PTPRD: variants seen among roughly 807,000 people sequenced by gnomAD.
PTPRD encodes the protein receptor-type tyrosine-protein phosphatase delta.
PTPRD carries 34 observed loss-of-function variants against 214.5 expected under a neutral mutation model. The observed-to-expected ratio is 0.16, with a 90% CI of 0.12 to 0.21. The LOEUF (loss-of-function observed/expected upper bound fraction) is 0.21, where lower values mean the gene tolerates loss of function less well. Among genes scored for constraint, PTPRD ranks in the 10% least tolerant of loss-of-function variants. PTPRD has a pLI of 1.00. For missense variants in PTPRD, 2,545 were observed against 2,398.7 expected (o/e 1.06, Z -1.27); for synonymous variants, 1,128 against 845.7 (o/e 1.33, Z -5.79).
intron 7 of PTPRD, among the ~76,000 whole-genome samples, chr9:9,675,600 T>A (rs1045383310): frequency 6.6e-6 from 1 of 151,816 alleles, no homozygotes; most frequent in African/African-American, 2.4e-5. Flanking sequence ...TAAAGCAATA[T>A]AAAAATTTAA....
At chr9:9,749,123 G>A (rs571061992) in intron 6 of PTPRD, among the ~76,000 whole-genome samples, 4 of 152,178 alleles carry the variant, frequency 2.6e-5, no homozygotes, top group Admixed American at 6.5e-5. Flanking sequence ...AAGTTTGGCA[G>A]AAGACCCTGA....
At chr9:9,300,139 A>G (rs1954731592) in intron 9 of PTPRD, among the ~76,000 whole-genome samples, 1 of 150,934 alleles carries the variant, frequency 6.6e-6, no homozygotes, top group African/African-American at 2.4e-5. Context: ...CATGAGCTAC[A>G]TGGTACTTAG....
At chr9:10,024,189 A>G (rs906167666) in intron 4 of PTPRD, among the ~76,000 whole-genome samples, 2 of 152,156 alleles carry the variant, frequency 1.3e-5, no homozygotes, top group African/African-American at 4.8e-5. Flanking sequence ...AAGCATTTTT[A>G]TCCTTGTTGG....
chr9:9,239,808 G>A (rs961895771), intron 9 of PTPRD, among the ~76,000 whole-genome samples: 5 of 152,148 alleles, frequency 3.3e-5, no homozygotes, highest in Non-Finnish European at 5.9e-5. Context: ...CTTCACAGCT[G>A]TCTGACCTCT....
At chr9:8,820,837 C>A (rs1274408902) in intron 11 of PTPRD, among the ~76,000 whole-genome samples, 2 of 151,582 alleles carry the variant, frequency 1.3e-5, no homozygotes, top group Non-Finnish European at 2.9e-5. Flanking sequence ...TATCCCTTTA[C>A]AATTGCTTAA....
intron 9 of PTPRD, among the ~76,000 whole-genome samples, chr9:9,297,042 T>C (rs1360456984): frequency 9.9e-5 from 15 of 151,740 alleles, no homozygotes. Context: ...CTTCCTGAAA[T>C]AGGTCTACAA....
At chr9:9,864,121 A>T (rs2063404617) in intron 5 of PTPRD, among the ~76,000 whole-genome samples, 1 of 152,184 alleles carries the variant, frequency 6.6e-6, no homozygotes, top group African/African-American at 2.4e-5. Context: ...CCTGGCCAAC[A>T]TGGTGAAACC....
At chr9:8,709,772 C>A (rs556959913) in intron 12 of PTPRD, among the ~76,000 whole-genome samples, 2 of 151,796 alleles carry the variant, frequency 1.3e-5, no homozygotes, top group Non-Finnish European at 2.9e-5. Context: ...TCTACATAAC[C>A]AAATACAGGA....
chr9:9,668,822 T>A (rs2096772670), intron 7 of PTPRD, among the ~76,000 whole-genome samples: 2 of 152,148 alleles, frequency 1.3e-5, no homozygotes. Context: ...CTGTCTTAAT[T>A]TTCTCCTGCA....
At chr9:9,204,951 G>A (rs1254734387) in intron 9 of PTPRD, among the ~76,000 whole-genome samples, 1 of 152,112 alleles carries the variant, frequency 6.6e-6, no homozygotes, top group East Asian at 1.9e-4. Flanking sequence ...TCAAGTATCT[G>A]CGGCATTAAA....
At chr9:9,409,037 T>C (rs1172422842) in intron 8 of PTPRD, among the ~76,000 whole-genome samples, 1 of 151,952 alleles carries the variant, frequency 6.6e-6, no homozygotes, top group Non-Finnish European at 1.5e-5. Context: ...TTAGACACAA[T>C]TATTGAAGTA....
intron 9 of PTPRD, among the ~76,000 whole-genome samples, chr9:9,333,508 A>ATATATATATAATAT (rs2043180714): frequency 6.9e-6 from 1 of 144,278 alleles, no homozygotes; most frequent in African/African-American, 2.6e-5. Context: ...AGTATATTAT[A>ATATATATATAATAT]TATATATATA....
At chr9:8,584,601 T>C (rs2093480574) in intron 14 of PTPRD, among the ~76,000 whole-genome samples, 1 of 152,224 alleles carries the variant, frequency 6.6e-6, no homozygotes, top group Admixed American at 6.5e-5. Flanking sequence ...CATGCTTTCA[T>C]ACACATTTAA....
intron 2 of PTPRD, among the ~76,000 whole-genome samples, chr9:10,409,908 C>T (rs1432192660): frequency 1.3e-5 from 2 of 151,694 alleles, no homozygotes; most frequent in Non-Finnish European, 2.9e-5. Flanking sequence ...CTTCAGGTGA[C>T]TGCAGCCCTG....
At chr9:8,485,445 T>C in intron 28 of PTPRD, 121 bp from the exon 29 acceptor site, 1 of 697,382 alleles carries the variant, frequency 1.4e-6, no homozygotes, top group South Asian at 1.9e-5. Context: ...GAGAGAAGTA[T>C]GATTTTCCTA....
intron 9 of PTPRD, among the ~76,000 whole-genome samples, chr9:9,341,870 G>A (rs976428701): frequency 2.0e-5 from 3 of 152,014 alleles, no homozygotes; most frequent in Non-Finnish European, 4.4e-5. Context: ...GTTCAGTGTC[G>A]CAATCTCGAC....
intron 11 of PTPRD, among the ~76,000 whole-genome samples, chr9:8,992,128 C>T (rs2099373207): frequency 6.6e-6 from 1 of 152,032 alleles, no homozygotes; most frequent in Non-Finnish European, 1.5e-5. Context: ...TCTGATGATA[C>T]TATTATGACA....
At chr9:9,461,675 C>G (rs2093667633) in intron 8 of PTPRD, among the ~76,000 whole-genome samples, 1 of 152,074 alleles carries the variant, frequency 6.6e-6, no homozygotes, top group African/African-American at 2.4e-5. Context: ...TGCATTATTC[C>G]TAGAGAATTG....
chr9:10,587,869 C>A (rs970190110), intron 2 of PTPRD, among the ~76,000 whole-genome samples: 10 of 151,868 alleles, frequency 6.6e-5, no homozygotes, highest in African/African-American at 2.4e-4. Context: ...AAAGCAAGGA[C>A]AACTCATGGA....
Sources: gnomAD v4.1 joint callset for allele counts (sites outside exome capture counted in the v4.1 genomes callset) on GRCh38, gnomAD v4.1.1 for gene constraint, MANE v1.5 for transcripts, NCBI Gene and HGNC (gene_info 2026-07-23, HGNC 2026-07-21) for gene names.